MYO15A: variants seen among roughly 807,000 people sequenced by gnomAD.
The protein encoded by MYO15A is myosin XVA, also known as unconventional myosin-XV.
MYO15A carries 308 observed loss-of-function variants against 394.6 expected under a neutral mutation model. The observed-to-expected ratio is 0.78, with a 90% CI of 0.71 to 0.86. The LOEUF (loss-of-function observed/expected upper bound fraction) is 0.86. MYO15A is among the 40% of genes least tolerant of loss of function. The pLI is 0.00. For synonymous variants in MYO15A, 1,957 were observed against 2,003.8 expected, an observed-to-expected ratio of 0.98 and a Z score of 0.62; for missense variants, 4,606 against 4,799.1, an observed-to-expected ratio of 0.96 and a Z score of 1.19.
intron 2 of MYO15A, chr17:18,123,851 G>A (rs565075066): frequency 5.7e-5 from 9 of 158,330 alleles, no homozygotes; most frequent in African/African-American, 7.2e-5. Context: ...CCAGCTGTGC[G>A]CCCACATGTA....
At chr17:18,122,985 A>T (rs2045965576) in intron 2 of MYO15A, 2 of 154,108 alleles carry the variant, frequency 1.3e-5, no homozygotes, top group African/African-American at 4.8e-5. Flanking sequence ...ACAGAGGGAA[A>T]ACTGAACCAG....
intron 15 of MYO15A, among the ~76,000 whole-genome samples, chr17:18,137,117 G>A (rs2046294200): frequency 6.6e-6 from 1 of 152,202 alleles, no homozygotes; most frequent in South Asian, 2.1e-4. Context: ...TGACTGTTTT[G>A]TGAGTGCACA....
In MYO15A at chr17:18,116,639, G is replaced by A. The variant is rs1269293278; in HGVS notation, c.-219-1943G>A. Among the ~76,000 whole-genome samples the A allele has an allele frequency of 4.6e-5, 7 of 152,214 alleles. No individual in the cohort carries two copies. In the East Asian group the frequency reaches 5.8e-4, roughly 13 times the overall value. On this transcript the variant is annotated intron_variant, in intron 1 of 65. Coordinates refer to ENST00000647165, the MANE Select transcript of MYO15A (RefSeq NM_016239.4). ...TCTCCAGGCTCAGAAAGAATGTCTC[G>A]GCTGGGCGCCGTGGCTCACATCTGT...
chr17:18,131,523 G>C lies in MYO15A; in HGVS notation c.4198G>C (p.Val1400Leu), dbSNP rs749136456. Reference protein sequence around the residue: ...SQYLLEKSRIVFQAKNERNYH... With the variant: ...SQYLLEKSRILFQAKNERNYH... The stretch of plus-strand genomic sequence containing the variant: ...GTACCTGCTTGAGAAATCCAGGATC[G>C]TGTTTCAGGTGGGCCACCCCCTCCC... The change falls in exon 10 of 66, where the codon GTG (valine) becomes CTG (leucine). Residue 1400 changes from valine to leucine, a missense_variant. Val to Leu is a conservative substitution (Grantham distance 32, BLOSUM62 1). Transcript: ENST00000647165. 1.2e-5 allele frequency: 20 copies of C among 1,613,814 alleles called. No homozygotes were observed. Among genetic ancestry groups the C allele is most frequent in the Non-Finnish European group, 1.6e-5 (19 of 1,179,940 alleles).
rs114754296 is a variant in MYO15A, at chr17:18,137,130, A to G, written c.4779+444A>G. Reference sequence around the variant, plus strand: ...GGTGACTGTTTTGTGAGTGCACAGCAAAGGAAGTGGTGAGGGACAGGGCAA... The same window carrying G: ...GGTGACTGTTTTGTGAGTGCACAGCGAAGGAAGTGGTGAGGGACAGGGCAA... On this transcript the variant is annotated intron_variant, in intron 15 of 65. Coordinates refer to ENST00000647165, the MANE Select transcript of MYO15A (RefSeq NM_016239.4). Among the ~76,000 whole-genome samples, 1,298 of 152,300 alleles carry G rather than the reference A, an allele frequency of 8.5e-3. 13 individuals carry two copies. The highest frequency in any genetic ancestry group is 0.029 in the African/African-American group (1,197 of 41,574).
Position 18,120,496 on chromosome 17 carries a change from C to A in MYO15A, c.1696C>A (p.Pro566Thr). The A allele has an allele frequency of 6.3e-7, 1 of 1,574,984 alleles. No individual in the cohort carries two copies. The highest frequency in any genetic ancestry group is 8.6e-7 in the Non-Finnish European group (1 of 1,163,968). Reference sequence around the variant, plus strand: ...CGGCCCTGAGTTTGGCCGCCCCGTGCCTCGCCCTGCCACCTCGCTTGCGCG... The same window carrying A: ...CGGCCCTGAGTTTGGCCGCCCCGTGACTCGCCCTGCCACCTCGCTTGCGCG... ...GFGPEFGRPV[P>T]RPATSLARFL... is the part of the protein sequence containing the mutation. Residue 566 changes from proline to threonine, a missense_variant, in exon 2 of 66, where the codon CCT becomes ACT. Coordinates refer to ENST00000647165, the MANE Select transcript of MYO15A (RefSeq NM_016239.4).
rs992279623 is a variant in MYO15A at position 18,133,090 on chromosome 17, C to A, written c.4321-135C>A. ...CGTCCTCAGCCGTGCTCAGAGCCTC[C>A]GTGCCCATGAGAGTGAAATGACAGC... is the stretch of plus-strand genomic sequence containing the variant. On this transcript the variant is annotated intron_variant, in intron 11 of 65. Transcript: ENST00000647165. 8.9e-5 allele frequency: 77 copies of A among 868,086 alleles called. No individual in the cohort carries two copies. In the South Asian group the frequency reaches 1.1e-3, roughly 12 times the overall value. 53.8% of individuals were successfully genotyped at this position (868,086 alleles called of 1,614,324 possible).
chr17:18,120,321 G>A lies in MYO15A; in HGVS notation c.1521G>A (p.Leu507=). 6.2e-7 allele frequency: 1 copy of A among 1,612,172 alleles called. No individual in the cohort carries two copies. The highest frequency in any genetic ancestry group is 8.5e-7 in the Non-Finnish European group (1 of 1,179,982). The change falls in exon 2 of 66, where the codon TTG becomes TTA. Residue 507 remains leucine (L), a synonymous_variant. Transcript: ENST00000647165. ...CCTCTCTGGACATTCCTCTCCCCTT[G>A]GGGGATGCGGACGAAGAAGAGGACG... is the stretch of plus-strand genomic sequence containing the variant. The part of the protein sequence containing the change: ...LPPSLDIPLP[L]GDADEEEDEE...
intron 65 of MYO15A, 161 bp from the exon 66 acceptor site, chr17:18,178,607 CT>C: frequency 1.3e-6 from 1 of 746,552 alleles, no homozygotes; most frequent in Non-Finnish European, 2.4e-6. Flanking sequence ...CCTTCCAGCT[CT>C]TCATGCTCCT....
intron 3 of MYO15A, 64 bp from the exon 4 acceptor site, chr17:18,125,104 G>A: frequency 2.7e-6 from 4 of 1,487,542 alleles, no homozygotes; most frequent in Admixed American, 3.3e-5. Flanking sequence ...ACTGAGTTGG[G>A]GAGGGAGACC....
rs2056841 is a variant in MYO15A at position 18,151,378 on chromosome 17, G to A, written c.7655-17G>A. The stretch of plus-strand genomic sequence containing the variant: ...CTTGTGGCCTCACCCTGTTCCCACC[G>A]CGCCCCTTGCCCACAGCTTCACCCT... On this transcript the variant is annotated splice_polypyrimidine_tract_variant and intron_variant, in intron 39 of 65. Transcript: ENST00000647165. The A allele has an allele frequency of 0.14, 233,064 of 1,613,996 alleles. 21,864 individuals are homozygous for A. Among genetic ancestry groups the A allele is most frequent in the East Asian group, 0.5 (22,263 of 44,862 alleles).
At position 18,173,933 on chromosome 17, in the gene MYO15A, G is replaced by T. The variant is rs773278133; in HGVS notation, c.10491+12G>T. On this transcript the variant is annotated intron_variant, in intron 65 of 65. Transcript: ENST00000647165. Reference sequence around the variant, plus strand: ...TGCAGCTGGAGCAGGTGGGCCCAGCGCTAAGTCCAACATTCCACTCACTGG... The same window carrying T: ...TGCAGCTGGAGCAGGTGGGCCCAGCTCTAAGTCCAACATTCCACTCACTGG... The T allele has an allele frequency of 6.2e-7, 1 of 1,612,000 alleles. No homozygotes were observed. The highest frequency in any genetic ancestry group is 8.5e-7 in the Non-Finnish European group (1 of 1,179,360).
chr17:18,142,693 A>G, intron 24 of MYO15A, 63 bp from the exon 25 acceptor site: 1 of 1,444,384 alleles, frequency 6.9e-7, no homozygotes, highest in Non-Finnish European at 9.7e-7. Flanking sequence ...GGGCCTCTCT[A>G]CCTTTTGGTC....
chr17:18,163,765 G>C lies in MYO15A; in HGVS notation c.9714G>C (p.Glu3238Asp). Residue 3238 changes from glutamate (E) to aspartate (D), a missense_variant, in exon 60 of 66, where the codon GAG becomes GAC. Transcript: ENST00000647165. The part of the protein sequence containing the change: ...TCTVALDVVE[E>D]ICAEMALTRP... ...AGGTGGCCCTGGACGTGGTGGAAGAGATATGTGCTGAGATGGCTCTGACAC... is the reference window on the plus strand; with the variant it reads ...AGGTGGCCCTGGACGTGGTGGAAGACATATGTGCTGAGATGGCTCTGACAC... 6.2e-7 allele frequency: 1 copy of C among 1,613,950 alleles called. No individual in the cohort carries two copies. The highest frequency in any genetic ancestry group is 8.5e-7 in the Non-Finnish European group (1 of 1,179,912).
Position 18,150,019 on chromosome 17 carries a change from C to G in MYO15A, c.7213-410C>G. On this transcript the variant is annotated intron_variant, in intron 35 of 65. Transcript: ENST00000647165. The surrounding 1 kb of genome is among the most constrained non-coding windows in gnomAD (Gnocchi z 4.4). ...GGTGGCAGCCAGCCCCCCGGGGCCACTAAAATATCTCTATCTGGATGGAGT... is the reference window on the plus strand; with the variant it reads ...GGTGGCAGCCAGCCCCCCGGGGCCAGTAAAATATCTCTATCTGGATGGAGT... The G allele has an allele frequency of 3.2e-6, 1 of 311,956 alleles. No individual in the cohort carries two copies. The highest frequency in any genetic ancestry group is 7.6e-5 in the East Asian group (1 of 13,092). 19.3% of individuals were successfully genotyped at this position (311,956 alleles called of 1,614,324 possible).
Position 18,120,826 on chromosome 17 carries a change from C to T in MYO15A, c.2026C>T (p.Pro676Ser). The change falls in exon 2 of 66, where the codon CCC (proline) becomes TCC (serine). Residue 676 changes from proline to serine, a missense_variant. Physicochemically the swap from Pro to Ser is moderately conservative, Grantham distance 74. This residue lies in a region of MYO15A where 1,830 missense variants were observed against 1,689.7 expected (regional missense o/e 1.08). Coordinates refer to ENST00000647165, the MANE Select transcript of MYO15A (RefSeq NM_016239.4). ...PPRPPSSGPP[P>S]APPLSPALSG... ...GCGGCCCCCAAGCTCCGGGCCCCCG[C>T]CCGCGCCGCCGCTCTCCCCGGCGCT... 1.7e-6 allele frequency: 2 copies of T among 1,175,852 alleles called. No homozygotes were observed. The highest frequency in any genetic ancestry group is 1.1e-6 in the Non-Finnish European group (1 of 952,096). 72.8% of individuals were successfully genotyped at this position (1,175,852 alleles called of 1,614,324 possible). A position where few individuals can be genotyped will look rare whatever the true frequency, so the allele number is the denominator to read the frequency against.
rs758634155 is a variant in MYO15A at position 18,119,844 on chromosome 17, G to A, written c.1044G>A (p.Pro348=). The A allele has an allele frequency of 1.5e-5, 24 of 1,612,904 alleles. No homozygotes were observed. Among genetic ancestry groups the A allele is most frequent in the African/African-American group, 2.7e-5 (2 of 74,898 alleles). Residue 348 remains proline (P), a synonymous_variant, in exon 2 of 66, where the codon CCG becomes CCA. Transcript: ENST00000647165. ...GCTACTACCTGGATCCCTATGCGCC[G>A]TACGACGCGCCATACCCACCCTATG... ...PYGYYLDPYA[P]YDAPYPPYDL...
At chr17:18,158,722 G>T in intron 52 of MYO15A, 84 bp downstream of exon 52, 3 of 1,521,968 alleles carry the variant, frequency 2.0e-6, no homozygotes, top group Admixed American at 1.7e-5. Context: ...TGTCAGTCTC[G>T]GAGGCCCCAC....
Position 18,131,305 on chromosome 17 carries a change from A to G in MYO15A, c.4105A>G (p.Ser1369Gly). 1 of 1,614,074 alleles carries G rather than the reference A, an allele frequency of 6.2e-7. No homozygotes were observed. The highest frequency in any genetic ancestry group is 1.6e-4 in the Middle Eastern group (1 of 6,062). ...NAKTVRNDNSSRFGKFVEIFL... is the reference protein window; with the variant it reads ...NAKTVRNDNSGRFGKFVEIFL... ...CAAAACCGTCAGGAACGACAACTCC[A>G]GCCGCTTTGGGAAGTTTGTGGAAAT... The change falls in exon 9 of 66, where the codon AGC (serine) becomes GGC (glycine). Residue 1369 changes from serine (S) to glycine (G), a missense_variant. Ser to Gly is a moderately conservative substitution (Grantham distance 56, BLOSUM62 0). Around this residue, in one of 2 missense-constraint regions of MYO15A, gnomAD observed 2,776 missense variants for 3,109.3 expected, o/e 0.89. Transcript: ENST00000647165.
Sources: allele counts gnomAD v4.1 joint callset (sites outside exome capture counted in the v4.1 genomes callset), GRCh38; gene constraint gnomAD v4.1.1; regional missense constraint gnomAD v4.1.1; non-coding constraint Gnocchi (gnomAD v3.1); transcripts MANE v1.5; gene names NCBI Gene and HGNC (gene_info 2026-07-23, HGNC 2026-07-21).